The following MAPK10 variants were observed in gnomAD, a reference collection of about 807,000 sequenced individuals.
The protein encoded by MAPK10 is mitogen-activated protein kinase 10.
Under a neutral mutation model 59.3 loss-of-function variants are expected in MAPK10, and 25 were observed. The observed-to-expected ratio is 0.42, with a 90% CI of 0.31 to 0.59. MAPK10 has a LOEUF of 0.59. Among genes scored for constraint, MAPK10 ranks in the 20% least tolerant of loss-of-function variants. The probability of loss-of-function intolerance (pLI) is 0.15; values close to 1 mark genes in which losing one functional copy is unlikely to be tolerated. For missense variants in MAPK10, 351 were observed against 568.9 expected, an observed-to-expected ratio of 0.62 and a Z score of 3.90; for synonymous variants, 190 against 200.5, an observed-to-expected ratio of 0.95 and a Z score of 0.44.
At chr4:86,347,694 G>A (rs1728989129) in intron 2 of MAPK10, among the ~76,000 whole-genome samples, 1 of 152,000 alleles carries the variant, frequency 6.6e-6, no homozygotes, top group Admixed American at 6.6e-5. Context: ...TCGCTTTCTG[G>A]GTCATAGACA....
At chr4:86,453,300 G>C (rs886447912), upstream of MAPK10, 1 of 152,446 alleles carries the variant, frequency 6.6e-6, no homozygotes, top group Non-Finnish European at 1.5e-5. Context: ...ACAGAGCAGG[G>C]AAGAAGGAGA....
intron 1 of MAPK10, among the ~76,000 whole-genome samples, chr4:86,368,389 A>G (rs1246338955): frequency 6.6e-6 from 1 of 152,224 alleles, no homozygotes; most frequent in Non-Finnish European, 1.5e-5. Context: ...CATGGTTTAC[A>G]TTAGGGTTCA....
chr4:86,306,347 G>A (rs1043530452), intron 2 of MAPK10, among the ~76,000 whole-genome samples: 3 of 152,156 alleles, frequency 2.0e-5, no homozygotes, highest in Admixed American at 6.5e-5. Flanking sequence ...GGCCTCTACT[G>A]TACATTCCAG....
chr4:86,531,065 C>T (rs1291230594), intron 1 of MAPK10, among the ~76,000 whole-genome samples: 1 of 152,134 alleles, frequency 6.6e-6, no homozygotes, highest in Admixed American at 6.6e-5. Context: ...TCCATGGTCA[C>T]CAAGCTATCA....
intron 1 of MAPK10, among the ~76,000 whole-genome samples, chr4:86,568,294 A>G (rs1487318298): frequency 1.3e-5 from 2 of 152,242 alleles, no homozygotes; most frequent in Non-Finnish European, 2.9e-5. Context: ...GAAATCATAG[A>G]TAACACCAAC....
intron 4 of MAPK10, among the ~76,000 whole-genome samples, chr4:86,150,376 T>C (rs1581350765): frequency 6.6e-6 from 1 of 152,240 alleles, no homozygotes; most frequent in African/African-American, 2.4e-5. Flanking sequence ...ATGGGTGCAC[T>C]AAAATCTCAG....
intron 2 of MAPK10, among the ~76,000 whole-genome samples, chr4:86,294,841 A>G (rs531038560): frequency 6.6e-6 from 1 of 152,324 alleles, no homozygotes; most frequent in African/African-American, 2.4e-5. Flanking sequence ...AACCTCTTCG[A>G]GGCTTTGGCT....
intron 2 of MAPK10, among the ~76,000 whole-genome samples, chr4:86,334,905 CTT>C (rs1358093603): frequency 2.0e-5 from 3 of 152,134 alleles, no homozygotes; most frequent in African/African-American, 7.2e-5. Context: ...ACTATAATCT[CTT>C]GAGGACAAGA....
intron 11 of MAPK10, among the ~76,000 whole-genome samples, chr4:86,037,169 G>C (rs1454038870): frequency 2.0e-5 from 3 of 152,164 alleles, no homozygotes; most frequent in Non-Finnish European, 2.9e-5. Context: ...AGTTCTTGCT[G>C]TTGGCCATGA....
chr4:86,397,263 CAGGTTCTCAAT>C (rs1476296415), intron 1 of MAPK10, among the ~76,000 whole-genome samples: 2 of 152,116 alleles, frequency 1.3e-5, no homozygotes, highest in African/African-American at 4.8e-5. Flanking sequence ...GAACCTGCGT[CAGGTTCTCAAT>C]CTATGAGGTG....
chr4:86,500,131 CT>C (rs1326315190), intron 1 of MAPK10, among the ~76,000 whole-genome samples: 5 of 152,170 alleles, frequency 3.3e-5, no homozygotes, highest in Admixed American at 2.6e-4. Flanking sequence ...CCCAGATTGT[CT>C]GATAATTGGT....
rs528790093 is a variant in MAPK10 at position 86,035,873 on chromosome 4, G to A, written c.1111-4442C>T. Among the ~76,000 whole-genome samples the A allele has an allele frequency of 2.0e-5, 3 of 152,260 alleles. No homozygotes were observed. In the East Asian group the frequency reaches 5.8e-4, roughly 29 times the overall value. On this transcript the variant is annotated intron_variant, in intron 11 of 13. Transcript: ENST00000641462. ...ATCTGAAGTTCAGAGGAATGCTGTT[G>A]GCTAGAGATGTGTATAGATTTGAGA...
intron 11 of MAPK10, among the ~76,000 whole-genome samples, chr4:86,039,399 C>T (rs2041022818): frequency 6.6e-6 from 1 of 152,144 alleles, no homozygotes; most frequent in South Asian, 2.1e-4. Flanking sequence ...TCAGACTTTG[C>T]CTTAGACCCC....
intron 2 of MAPK10, among the ~76,000 whole-genome samples, chr4:86,239,901 A>C (rs544877655): frequency 6.0e-5 from 9 of 151,150 alleles, no homozygotes; most frequent in Admixed American, 5.3e-4. Context: ...TAGCTGTTGG[A>C]TTAGTTGCTC....
At chr4:86,247,759 G>A (rs979001672) in intron 2 of MAPK10, among the ~76,000 whole-genome samples, 2 of 152,088 alleles carry the variant, frequency 1.3e-5, no homozygotes, top group Non-Finnish European at 2.9e-5. Context: ...CATTTTATTT[G>A]GGTCTTGAAA....
rs558931467 is a variant in MAPK10 at position 86,411,636 on chromosome 4, T to C, written c.-122+41394A>G. Among the ~76,000 whole-genome samples the C allele has an allele frequency of 1.8e-4, 27 of 152,258 alleles. No individual in the cohort carries two copies. The South Asian group carries it at 5.6e-3, about 32-fold the overall frequency. On this transcript the variant is annotated intron_variant, in intron 1 of 13. Transcript: ENST00000361569. ...AGTTAGCTCTTCTTGTTGAATTTATTCCTTTACCATTATGTAATGGCCTTC... is the reference window on the plus strand; with the variant it reads ...AGTTAGCTCTTCTTGTTGAATTTATCCCTTTACCATTATGTAATGGCCTTC...
chr4:86,304,068 G>C (rs1481529803), intron 2 of MAPK10, among the ~76,000 whole-genome samples: 1 of 152,082 alleles, frequency 6.6e-6, no homozygotes, highest in Non-Finnish European at 1.5e-5. Context: ...CCAGATTTTG[G>C]GGAAAGTACA....
intron 1 of MAPK10, among the ~76,000 whole-genome samples, chr4:86,424,252 G>A (rs1006321489): frequency 4.0e-5 from 6 of 151,712 alleles, no homozygotes; most frequent in East Asian, 1.9e-4. Context: ...GCCCAGTGGC[G>A]CAATCTCGAA....
At chr4:86,428,288 T>G (rs927918184) in intron 1 of MAPK10, among the ~76,000 whole-genome samples, 15 of 152,126 alleles carry the variant, frequency 9.9e-5, no homozygotes, top group African/African-American at 3.6e-4. Flanking sequence ...GGACCACAGA[T>G]GCATGCCACC....
Sources: allele counts gnomAD v4.1 joint callset (sites outside exome capture counted in the v4.1 genomes callset), GRCh38; gene constraint gnomAD v4.1.1; transcripts MANE v1.5; gene names NCBI Gene and HGNC (gene_info 2026-07-23, HGNC 2026-07-21).